Variants in ERC2 observed in about 807,000 individuals in gnomAD.
The protein encoded by ERC2 is ERC protein 2.
A neutral mutation model predicts 114.8 loss-of-function variants in ERC2; 42 were observed. The observed-to-expected ratio is 0.37, with a 90% CI of 0.29 to 0.47. The LOEUF is 0.47. Ranked by LOEUF, ERC2 falls within the 20% of genes least tolerant of loss-of-function variation. The pLI, the probability that ERC2 is intolerant of heterozygous loss-of-function variation, is 0.99. For missense variants in ERC2, 939 were observed against 1,150.7 expected, an observed-to-expected ratio of 0.82 and a Z score of 2.66; for synonymous variants, 454 against 425.5, an observed-to-expected ratio of 1.07 and a Z score of -0.82.
At chr3:55,628,442 C>A (rs774341683) in intron 17 of ERC2, among the ~76,000 whole-genome samples, 13 of 152,182 alleles carry the variant, frequency 8.5e-5, no homozygotes, top group Non-Finnish European at 1.8e-4. Context: ...AGGGTCTTTT[C>A]AAAGATTCAG....
intron 12 of ERC2, among the ~76,000 whole-genome samples, chr3:55,978,327 A>G (rs1391991381): frequency 2.6e-5 from 4 of 152,350 alleles, no homozygotes; most frequent in Non-Finnish European, 5.9e-5. Flanking sequence ...TTACTTTTCA[A>G]TAAGCATAAG....
intron 14 of ERC2, among the ~76,000 whole-genome samples, chr3:55,883,123 A>C (rs1040213737): frequency 2.0e-5 from 3 of 152,246 alleles, no homozygotes; most frequent in African/African-American, 7.2e-5. Context: ...GAATATTTAT[A>C]CATTTTTTAA....
chr3:55,699,870 A>G (rs2063129931), intron 15 of ERC2, among the ~76,000 whole-genome samples: 1 of 152,198 alleles, frequency 6.6e-6, no homozygotes. Flanking sequence ...ACTCTAGACC[A>G]ACACTCTAGA....
At chr3:55,690,955 G>A (rs1255105837) in intron 16 of ERC2, among the ~76,000 whole-genome samples, 1 of 152,208 alleles carries the variant, frequency 6.6e-6, no homozygotes, top group Non-Finnish European at 1.5e-5. Flanking sequence ...ATGGTTGGGT[G>A]AGCATGTAAC....
At chr3:55,643,721 T>A (rs1300138700) in intron 17 of ERC2, among the ~76,000 whole-genome samples, 2 of 152,218 alleles carry the variant, frequency 1.3e-5, no homozygotes, top group Non-Finnish European at 2.9e-5. Flanking sequence ...TATGTATTAC[T>A]GAACAAGCAT....
chr3:56,037,925 C>T (rs1168097176), intron 7 of ERC2, among the ~76,000 whole-genome samples: 4 of 152,064 alleles, frequency 2.6e-5, no homozygotes, highest in South Asian at 2.1e-4. Context: ...ACCCCTTCCT[C>T]ACACCTTATA....
intron 10 of ERC2, among the ~76,000 whole-genome samples, chr3:55,997,929 G>GTTTT (rs112402531): frequency 3.5e-5 from 2 of 57,804 alleles, no homozygotes; most frequent in African/African-American, 6.6e-5. Flanking sequence ...TGTGTTTTTT[G>GTTTT]TTTTTTTTTT....
At chr3:55,872,003 T>C (rs191162611) in intron 14 of ERC2, among the ~76,000 whole-genome samples, 13 of 152,298 alleles carry the variant, frequency 8.5e-5, no homozygotes, top group Admixed American at 2.0e-4. Flanking sequence ...ATCTTAGTTT[T>C]GCTTCAAAAT....
rs540042474 is a variant in ERC2, at chr3:55,520,280, A to T, written c.*40-9004T>A. ...GTGAAACCCTGTCTCTACTAAAAAT[A>T]AAAAAATTAGCCGGGCATGGTGGCA... On this transcript the variant is annotated intron_variant, in intron 17 of 17. Coordinates refer to ENST00000288221, the MANE Select transcript of ERC2 (RefSeq NM_015576.3). Among the ~76,000 whole-genome samples, 152 of 149,086 alleles carry T rather than the reference A, an allele frequency of 1.0e-3. 1 individual carries two copies. Among genetic ancestry groups the T allele is most frequent in the African/African-American group, 3.6e-3 (147 of 40,542 alleles).
At chr3:55,895,410 A>G (rs1446527038) in intron 13 of ERC2, among the ~76,000 whole-genome samples, 1 of 152,134 alleles carries the variant, frequency 6.6e-6, no homozygotes, top group Non-Finnish European at 1.5e-5. Flanking sequence ...AGTGGAGAGG[A>G]AGCAGAAGCA....
chr3:56,178,363 C>A (rs2083096938), intron 3 of ERC2, among the ~76,000 whole-genome samples: 1 of 152,186 alleles, frequency 6.6e-6, no homozygotes, highest in Non-Finnish European at 1.5e-5. Flanking sequence ...AACTTAATGG[C>A]ATCAGACCAC....
At chr3:55,755,935 A>C (rs2067026986) in intron 14 of ERC2, among the ~76,000 whole-genome samples, 1 of 152,170 alleles carries the variant, frequency 6.6e-6, no homozygotes, top group South Asian at 2.1e-4. Flanking sequence ...ACTAAGAAGA[A>C]ACTAAGAGCT....
chr3:55,741,180 C>T (rs902448027), intron 14 of ERC2, among the ~76,000 whole-genome samples: 20 of 152,296 alleles, frequency 1.3e-4, no homozygotes, highest in East Asian at 7.7e-4. Flanking sequence ...GCTATCCCTA[C>T]GTCAGATTCT....
At chr3:56,422,631 C>G (rs146447594) in intron 2 of ERC2, among the ~76,000 whole-genome samples, 123 of 152,308 alleles carry the variant, frequency 8.1e-4, no homozygotes, top group African/African-American at 2.7e-3. Context: ...TTGCTTACTC[C>G]ACTCTATCTT....
chr3:56,279,235 T>C (rs866294517), intron 3 of ERC2, among the ~76,000 whole-genome samples: 2 of 152,226 alleles, frequency 1.3e-5, no homozygotes, highest in Non-Finnish European at 2.9e-5. Flanking sequence ...TACTAAGGCA[T>C]TACTAGGGTT....
chr3:55,781,818 G>A (rs1156713506), intron 14 of ERC2, among the ~76,000 whole-genome samples: 8 of 149,948 alleles, frequency 5.3e-5, no homozygotes, highest in African/African-American at 1.7e-4. Context: ...GTTGCAGTGA[G>A]CCGAGATCGC....
intron 2 of ERC2, among the ~76,000 whole-genome samples, chr3:56,390,922 G>C (rs368308641): frequency 6.6e-6 from 1 of 152,178 alleles, no homozygotes; most frequent in African/African-American, 2.4e-5. Context: ...AGAGCTGTGA[G>C]CAAATGTGTT....
intron 6 of ERC2, among the ~76,000 whole-genome samples, chr3:56,120,363 G>C (rs1156405824): frequency 3.3e-5 from 5 of 152,162 alleles, no homozygotes; most frequent in Admixed American, 6.5e-5. Context: ...TGGAGATTCA[G>C]TGGAGGCAAT....
chr3:55,605,900 T>C (rs1000227655), intron 17 of ERC2, among the ~76,000 whole-genome samples: 2 of 152,152 alleles, frequency 1.3e-5, no homozygotes, highest in African/African-American at 4.8e-5. Flanking sequence ...CCCCAAAGAT[T>C]CCAACTTAGG....
Sources: gnomAD v4.1 joint callset for allele counts (sites outside exome capture counted in the v4.1 genomes callset) on GRCh38, gnomAD v4.1.1 for gene constraint, MANE v1.5 for transcripts, NCBI Gene and HGNC (gene_info 2026-07-23, HGNC 2026-07-21) for gene names.